The following PCDHGB3 variants were observed in gnomAD, a reference collection of about 807,000 sequenced individuals.
The protein encoded by PCDHGB3 is protocadherin gamma-B3.
PCDHGB3 carries 40 observed loss-of-function variants against 59.2 expected under a neutral mutation model. The ratio of observed to expected loss-of-function variants is 0.68; its 90% CI spans 0.52 to 0.88. The LOEUF (loss-of-function observed/expected upper bound fraction) is 0.88, where lower values mean the gene tolerates loss of function less well. PCDHGB3 is among the 40% of genes least tolerant of loss of function. The pLI is 0.00. For missense variants in PCDHGB3, 1,309 were observed against 1,187.9 expected (o/e 1.10, Z -1.50); for synonymous variants, 581 against 503.6 (o/e 1.15, Z -2.06).
chr5:141,416,120 A>C (rs2095996372), intron 1 of PCDHGB3: 1 of 155,288 alleles, frequency 6.4e-6, no homozygotes, highest in African/African-American at 2.4e-5. Context: ...ACTACATTTT[A>C]TATATTTTTC....
At chr5:141,501,313 ACAC>A (rs2099807743) in intron 2 of PCDHGB3, among the ~76,000 whole-genome samples, 1 of 151,686 alleles carries the variant, frequency 6.6e-6, no homozygotes, top group Non-Finnish European at 1.5e-5. Context: ...ACACACACAC[ACAC>A]ACACACACAC....
chr5:141,374,856 G>A, intron 1 of PCDHGB3: 1 of 1,613,686 alleles, frequency 6.2e-7, no homozygotes, highest in South Asian at 1.1e-5. Flanking sequence ...CTGCCAGTAG[G>A]CACACCAGTG....
At chr5:141,450,626 A>G (rs1474729472) in intron 1 of PCDHGB3, among the ~76,000 whole-genome samples, 1 of 151,438 alleles carries the variant, frequency 6.6e-6, no homozygotes, top group East Asian at 2.0e-4. Context: ...AGCTGGGATT[A>G]CAGATGCCTG....
chr5:141,389,991 G>T (rs561094692), intron 1 of PCDHGB3: 2 of 1,614,016 alleles, frequency 1.2e-6, no homozygotes, highest in African/African-American at 2.7e-5. Flanking sequence ...GCTCTTCCTC[G>T]TGGCCATGAT....
chr5:141,397,512 A>G (rs1043730091), intron 1 of PCDHGB3, among the ~76,000 whole-genome samples: 1 of 152,242 alleles, frequency 6.6e-6, no homozygotes, highest in Non-Finnish European at 1.5e-5. Context: ...AATTGTTTCC[A>G]TAGCTAATAA....
intron 1 of PCDHGB3, chr5:141,422,893 C>A (rs1405800318): frequency 4.3e-6 from 7 of 1,614,246 alleles, no homozygotes; most frequent in Non-Finnish European, 5.9e-6. Context: ...CGTGCTGGAC[C>A]AGAACGACAA....
chr5:141,388,906 A>ACG (rs890479246), intron 1 of PCDHGB3: 2 of 1,614,016 alleles, frequency 1.2e-6, no homozygotes, highest in Admixed American at 3.3e-5. Flanking sequence ...GAAAATGACA[A>ACG]CGCCCCAGAA....
At chr5:141,404,906 C>T (rs776779922) in intron 1 of PCDHGB3, 7 of 1,613,864 alleles carry the variant, frequency 4.3e-6, no homozygotes, top group Non-Finnish European at 5.1e-6. Context: ...CCATGGCCAG[C>T]CCCCTCTCTC....
intron 2 of PCDHGB3, among the ~76,000 whole-genome samples, chr5:141,504,713 G>A (rs1443171981): frequency 1.3e-5 from 2 of 151,850 alleles, no homozygotes; most frequent in African/African-American, 2.4e-5. Context: ...TATGGCCGTG[G>A]ATTTTACTCT....
intron 1 of PCDHGB3, chr5:141,398,187 C>G (rs1329117309): frequency 5.8e-5 from 86 of 1,481,250 alleles, no homozygotes; most frequent in Non-Finnish European, 7.6e-5. Context: ...TCTTTCTCTT[C>G]CTGCTGTCTT....
intron 1 of PCDHGB3, among the ~76,000 whole-genome samples, chr5:141,455,160 G>GTT (rs59530096): frequency 1.3e-4 from 20 of 149,232 alleles, no homozygotes; most frequent in South Asian, 1.1e-3. Flanking sequence ...TAGTTTGTTG[G>GTT]TTTTTTTTTT....
rs375619778 is a variant in PCDHGB3, at chr5:141,399,361, C to G, written c.2415+26552C>G. 11 of 1,613,960 alleles carry G rather than the reference C, an allele frequency of 6.8e-6. No homozygotes were observed. The Admixed American group carries it at 1.8e-4, about 27-fold the overall frequency. On this transcript the variant is annotated intron_variant, in intron 1 of 3. Transcript: ENST00000576222. ...TGGAACCCTAGACCGAGAGCAAACC[C>G]CGGAGTACAATGTCACCATCACAGC...
chr5:141,505,597 T>C, intron 3 of PCDHGB3, 116 bp downstream of exon 3: 1 of 1,558,330 alleles, frequency 6.4e-7, no homozygotes, highest in Non-Finnish European at 8.7e-7. Context: ...TCCAGATCTT[T>C]CGGCAGGTCT....
intron 1 of PCDHGB3, among the ~76,000 whole-genome samples, chr5:141,468,791 G>A (rs941787269): frequency 2.6e-5 from 4 of 151,954 alleles, no homozygotes; most frequent in East Asian, 3.9e-4. Context: ...GCGTGAACCC[G>A]GGAGGCGGAA....
intron 1 of PCDHGB3, chr5:141,440,987 A>C (rs2098217413): frequency 6.6e-6 from 1 of 152,278 alleles, no homozygotes; most frequent in African/African-American, 2.4e-5. Flanking sequence ...AACCCAGAGT[A>C]CCCATATCTA....
intron 1 of PCDHGB3, among the ~76,000 whole-genome samples, chr5:141,437,145 T>C (rs191316470): frequency 3.9e-5 from 6 of 152,364 alleles, no homozygotes; most frequent in Admixed American, 3.9e-4. Flanking sequence ...GGATTCATAA[T>C]TAACATATGT....
At chr5:141,465,488 G>A (rs2099104080) in intron 1 of PCDHGB3, among the ~76,000 whole-genome samples, 1 of 152,224 alleles carries the variant, frequency 6.6e-6, no homozygotes. Flanking sequence ...AGAGGAATGA[G>A]CGGGAGCATT....
intron 1 of PCDHGB3, chr5:141,421,577 T>C (rs1385519860): frequency 1.4e-5 from 22 of 1,613,748 alleles, no homozygotes; most frequent in Non-Finnish European, 1.5e-5. Context: ...ACCTTGAAGA[T>C]TTACGGAGTG....
intron 1 of PCDHGB3, chr5:141,404,077 C>T: frequency 6.2e-7 from 1 of 1,613,742 alleles, no homozygotes; most frequent in East Asian, 2.2e-5. Flanking sequence ...ATGACCGAGA[C>T]TCCGGGAAGA....
Sources: gnomAD v4.1 joint callset for allele counts (sites outside exome capture counted in the v4.1 genomes callset) on GRCh38, gnomAD v4.1.1 for gene constraint, MANE v1.5 for transcripts, NCBI Gene and HGNC (gene_info 2026-07-23, HGNC 2026-07-21) for gene names.